The following RBFOX1 variants were observed in gnomAD, a reference collection of about 807,000 sequenced individuals.
The protein encoded by RBFOX1 is RNA binding protein fox-1 homolog 1.
In RBFOX1, 8 loss-of-function variants were observed where a neutral mutation model predicts 57.7. That is an observed-to-expected ratio of 0.14 (90% CI 0.08 to 0.25). The LOEUF is 0.25. Ranked by LOEUF, RBFOX1 falls within the 10% of genes least tolerant of loss-of-function variation. RBFOX1 has a pLI of 1.00. For missense variants in RBFOX1, 611 were observed against 548.5 expected, an observed-to-expected ratio of 1.11 and a Z score of -1.14; for synonymous variants, 326 against 222.4, an observed-to-expected ratio of 1.47 and a Z score of -4.15.
chr16:7,179,806 C>T (rs777595615), intron 4 of RBFOX1, among the ~76,000 whole-genome samples: 1 of 152,038 alleles, frequency 6.6e-6, no homozygotes. Flanking sequence ...ATGATCTCGG[C>T]TCACTGCAAC....
chr16:5,666,124 C>A (rs1047283983), intron 3 of RBFOX1, among the ~76,000 whole-genome samples: 4 of 152,216 alleles, frequency 2.6e-5, no homozygotes, highest in African/African-American at 7.2e-5. Context: ...GGGCCGGTTC[C>A]GTTTGCCTGG....
rs192175303 is a variant in RBFOX1, at chr16:6,975,857, T to C, written c.-15-76200T>C. On this transcript the variant is annotated intron_variant, in intron 3 of 15. Coordinates refer to ENST00000550418, the MANE Select transcript of RBFOX1 (RefSeq NM_018723.4). ...TAAAAATAAAACTAGCTGGGTATGG[T>C]GGTGCACACCTGTAATCGCAGCACT... 4.1e-3 allele frequency among the ~76,000 whole-genome samples: 630 copies of C among 152,276 alleles called. 11 individuals are homozygous for C. The highest frequency in any genetic ancestry group is 0.015 in the African/African-American group (604 of 41,558).
At chr16:6,368,217 A>G (rs1442497734) in intron 2 of RBFOX1, among the ~76,000 whole-genome samples, 2 of 152,186 alleles carry the variant, frequency 1.3e-5, no homozygotes, top group African/African-American at 4.8e-5. Context: ...AATGAAAAAT[A>G]TTGAAAATAT....
chr16:6,250,627 G>A (rs2097601815), intron 1 of RBFOX1, among the ~76,000 whole-genome samples: 1 of 152,134 alleles, frequency 6.6e-6, no homozygotes, highest in South Asian at 2.1e-4. Context: ...GGGAAGATTT[G>A]AGAGGGGTCA....
chr16:7,416,737 T>A (rs1236384943), intron 4 of RBFOX1, among the ~76,000 whole-genome samples: 1 of 151,270 alleles, frequency 6.6e-6, no homozygotes. Context: ...TGTTTTTTTT[T>A]CTTTCCACAT....
intron 3 of RBFOX1, among the ~76,000 whole-genome samples, chr16:6,938,041 G>C (rs979084027): frequency 6.6e-6 from 1 of 151,748 alleles, no homozygotes; most frequent in African/African-American, 2.4e-5. Flanking sequence ...AGAAATGGGA[G>C]CTAATTGTGA....
At chr16:6,322,621 G>T (rs1204282054) in intron 2 of RBFOX1, among the ~76,000 whole-genome samples, 1 of 152,172 alleles carries the variant, frequency 6.6e-6, no homozygotes, top group Non-Finnish European at 1.5e-5. Context: ...TAGAACCTGG[G>T]TTTCAGTGGA....
chr16:6,437,076 A>G (rs1023658266), intron 2 of RBFOX1, among the ~76,000 whole-genome samples: 1 of 152,170 alleles, frequency 6.6e-6, no homozygotes, highest in African/African-American at 2.4e-5. Context: ...AAGGTTCTTC[A>G]TCTGGACTTA....
chr16:7,369,990 T>G (rs2097537843), intron 4 of RBFOX1, among the ~76,000 whole-genome samples: 1 of 152,194 alleles, frequency 6.6e-6, no homozygotes, highest in African/African-American at 2.4e-5. Context: ...CTAGGCTTTC[T>G]GATCCCAGAA....
intron 4 of RBFOX1, among the ~76,000 whole-genome samples, chr16:5,898,424 C>T (rs984413199): frequency 9.9e-5 from 15 of 152,046 alleles, no homozygotes; most frequent in East Asian, 3.9e-4. Context: ...AGACATAAAA[C>T]GTATCAGACC....
intron 4 of RBFOX1, among the ~76,000 whole-genome samples, chr16:7,129,254 C>A (rs1279325736): frequency 6.6e-6 from 1 of 151,982 alleles, no homozygotes; most frequent in African/African-American, 2.4e-5. Flanking sequence ...GGATAGTAAC[C>A]CCACAATTGA....
chr16:5,908,117 TATACACATATATATATACAC>T (rs2058510543), intron 4 of RBFOX1, among the ~76,000 whole-genome samples: 1 of 138,114 alleles, frequency 7.2e-6, no homozygotes, highest in Non-Finnish European at 1.5e-5. Context: ...TATACACATA[TATACACATATATATATACAC>T]ATATATACAC....
intron 3 of RBFOX1, among the ~76,000 whole-genome samples, chr16:5,617,229 C>T (rs1374865301): frequency 6.6e-6 from 1 of 152,180 alleles, no homozygotes; most frequent in East Asian, 1.9e-4. Context: ...GAATCTTTAG[C>T]ACATGGCATT....
chr16:5,314,623 C>A (rs2064181978), intron 1 of RBFOX1, among the ~76,000 whole-genome samples: 1 of 152,168 alleles, frequency 6.6e-6, no homozygotes, highest in African/African-American at 2.4e-5. Context: ...TTCTCAGCCT[C>A]CCTAGTAGCT....
chr16:6,623,322 G>C (rs62015541), intron 2 of RBFOX1, among the ~76,000 whole-genome samples: 1 of 151,916 alleles, frequency 6.6e-6, no homozygotes, highest in Non-Finnish European at 1.5e-5. Context: ...GTGGGGAGCA[G>C]AGATGCTGAG....
At chr16:6,049,956 GT>G (rs3048284) in intron 1 of RBFOX1, among the ~76,000 whole-genome samples, 116 of 135,156 alleles carry the variant, frequency 8.6e-4, no homozygotes, top group African/African-American at 1.2e-3. Flanking sequence ...AGCTTAAAAC[GT>G]TTTTTTTTTT....
At chr16:7,404,621 G>C (rs758064580) in intron 4 of RBFOX1, among the ~76,000 whole-genome samples, 5 of 152,202 alleles carry the variant, frequency 3.3e-5, no homozygotes, top group East Asian at 3.8e-4. Flanking sequence ...CCTCAGAAGA[G>C]ACCCTGTCTC....
At chr16:6,577,561 T>G (rs1299656776) in intron 2 of RBFOX1, among the ~76,000 whole-genome samples, 1 of 152,194 alleles carries the variant, frequency 6.6e-6, no homozygotes, top group African/African-American at 2.4e-5. Context: ...CTGATGAAGA[T>G]TCACTGAGGT....
chr16:7,069,755 G>T (rs2056935255), intron 4 of RBFOX1, among the ~76,000 whole-genome samples: 1 of 151,998 alleles, frequency 6.6e-6, no homozygotes, highest in Non-Finnish European at 1.5e-5. Flanking sequence ...CTCTACAATG[G>T]GATTAAGCCC....
Sources: allele counts gnomAD v4.1 joint callset (sites outside exome capture counted in the v4.1 genomes callset), GRCh38; gene constraint gnomAD v4.1.1; transcripts MANE v1.5; gene names NCBI Gene and HGNC (gene_info 2026-07-23, HGNC 2026-07-21).